RERE: variants seen among roughly 807,000 people sequenced by gnomAD.
RERE encodes arginine-glutamic acid dipeptide repeats protein.
In RERE, 40 loss-of-function variants were observed where a neutral mutation model predicts 146.1. That is an observed-to-expected ratio of 0.27 (90% CI 0.21 to 0.36). The LOEUF (loss-of-function observed/expected upper bound fraction) is 0.36, where lower values mean the gene tolerates loss of function less well. RERE is among the 10% of genes least tolerant of loss of function. The pLI is 1.00. For missense variants in RERE, 1,933 were observed against 2,138.7 expected, an observed-to-expected ratio of 0.90 and a Z score of 1.90; for synonymous variants, 1,003 against 866.0, an observed-to-expected ratio of 1.16 and a Z score of -2.78.
chr1:8,520,064 T>A (rs1214146191), intron 7 of RERE, among the ~76,000 whole-genome samples: 2 of 152,078 alleles, frequency 1.3e-5, no homozygotes, highest in South Asian at 2.1e-4. Flanking sequence ...CAATCAAAAA[T>A]AAAACTAAAA....
chr1:8,582,896 G>C (rs946484397), intron 4 of RERE, among the ~76,000 whole-genome samples: 1 of 152,144 alleles, frequency 6.6e-6, no homozygotes, highest in Admixed American at 6.5e-5. Context: ...CTTTTACATA[G>C]ATCTGAGCCT....
intron 3 of RERE, among the ~76,000 whole-genome samples, chr1:8,619,288 C>A (rs546916092): frequency 1.3e-5 from 2 of 152,176 alleles, no homozygotes; most frequent in Non-Finnish European, 2.9e-5. Flanking sequence ...ACTTTAACAT[C>A]CCTAACTATC....
Position 8,359,847 on chromosome 1 carries a change from G to A in RERE, c.3535C>T (p.Arg1179Ter), listed in dbSNP as rs2124364429. ...TCCTTCTCCCGCTCTCGCTCCTCTC[G>A]GGCTTTCTGCTCAGCCTCGCGCTTG... ...KAKREAEQKA[R>*]EEREREKEKE... The change falls in exon 19 of 23, where the codon CGA (arginine) becomes TGA (stop). Residue 1179 changes from arginine (R) to a stop codon, truncating the protein, a stop_gained. Coordinates refer to ENST00000400908, the MANE Select transcript of RERE (RefSeq NM_001042681.2). LOFTEE classifies it high-confidence loss of function. The A allele has an allele frequency of 1.2e-6, 2 of 1,610,758 alleles. No homozygotes were observed. Among genetic ancestry groups the A allele is most frequent in the Non-Finnish European group, 1.7e-6 (2 of 1,179,896 alleles).
chr1:8,385,968 TA>T (rs34493389), intron 12 of RERE, among the ~76,000 whole-genome samples: 69 of 9,450 alleles, frequency 7.3e-3, no homozygotes, highest in Non-Finnish European at 9.9e-3. Context: ...GACTCCGTCT[TA>T]AAAAAAAAAA....
chr1:8,810,148 G>A (rs1380704462), intron 1 of RERE, among the ~76,000 whole-genome samples: 1 of 151,216 alleles, frequency 6.6e-6, no homozygotes, highest in Non-Finnish European at 1.5e-5. Flanking sequence ...GGGATTACAG[G>A]TACCCGCCAT....
chr1:8,657,177 C>T (rs1175049766), intron 1 of RERE, among the ~76,000 whole-genome samples: 4 of 151,684 alleles, frequency 2.6e-5, no homozygotes, highest in East Asian at 3.9e-4. Flanking sequence ...TGGTGGCGGG[C>T]GCCTGTAGTC....
At chr1:8,542,083 G>A (rs549271531) in intron 6 of RERE, among the ~76,000 whole-genome samples, 4 of 152,210 alleles carry the variant, frequency 2.6e-5, no homozygotes, top group South Asian at 2.1e-4. Context: ...AAGTATCAAC[G>A]TAAATGCCAG....
At chr1:8,486,716 G>C (rs796637569) in intron 10 of RERE, among the ~76,000 whole-genome samples, 11 of 125,220 alleles carry the variant, frequency 8.8e-5, no homozygotes, top group African/African-American at 3.3e-4. Context: ...TTGATCAAGA[G>C]GAAACAAATT....
intron 7 of RERE, among the ~76,000 whole-genome samples, chr1:8,537,549 T>C (rs1369766588): frequency 6.6e-6 from 1 of 152,234 alleles, no homozygotes; most frequent in Admixed American, 6.5e-5. Context: ...TTCAGAACTT[T>C]CATATTTCAG....
At position 8,786,058 on chromosome 1, in the gene RERE, C is replaced by T. The variant is rs929213418; in HGVS notation, c.-145+31102G>A. 2.6e-5 allele frequency among the ~76,000 whole-genome samples: 4 copies of T among 152,204 alleles called. No individual in the cohort carries two copies. The East Asian group carries it at 7.7e-4, about 29-fold the overall frequency. On this transcript the variant is annotated intron_variant, in intron 1 of 22. Coordinates refer to ENST00000400908, the MANE Select transcript of RERE (RefSeq NM_001042681.2). ...ACCCAGGCCCACAGCACATCCCCTG[C>T]AGAGTCTGGCCACACTCCTCATCAG...
chr1:8,474,917 T>C (rs776202518), intron 10 of RERE, among the ~76,000 whole-genome samples: 61 of 152,344 alleles, frequency 4.0e-4, no homozygotes, highest in African/African-American at 1.4e-3. Context: ...TCTTTTGCTA[T>C]GCAAAATATC....
At chr1:8,399,051 T>C (rs1643157253) in intron 12 of RERE, among the ~76,000 whole-genome samples, 1 of 152,020 alleles carries the variant, frequency 6.6e-6, no homozygotes, top group Admixed American at 6.6e-5. Context: ...AAACTACCTG[T>C]TCTCATCTTT....
chr1:8,406,574 T>C (rs1029661196), intron 12 of RERE, among the ~76,000 whole-genome samples: 1 of 152,148 alleles, frequency 6.6e-6, no homozygotes, highest in African/African-American at 2.4e-5. Flanking sequence ...AAAGAATATA[T>C]GGGAATGCTT....
chr1:8,526,057 G>A lies in RERE; in HGVS notation c.830+15157C>T, dbSNP rs901574574. On this transcript the variant is annotated intron_variant, in intron 7 of 22. Transcript: ENST00000400908. ...AATCAATCTCAACCCTGCTGTTTCC[G>A]TAAATAAAGCCCAGCCAACAGACTC... The A allele has an allele frequency of 5.3e-5, 64 of 1,196,392 alleles. No homozygotes were observed. In the South Asian group the frequency reaches 9.9e-4, roughly 19 times the overall value. The allele number at this position is 1,196,392 out of a possible 1,614,324, so 74.1% of individuals were successfully genotyped here.
At chr1:8,523,344 A>G (rs1645529549) in intron 7 of RERE, among the ~76,000 whole-genome samples, 1 of 152,232 alleles carries the variant, frequency 6.6e-6, no homozygotes, top group African/African-American at 2.4e-5. Flanking sequence ...ATTCTATTAC[A>G]ATGATAAGAA....
chr1:8,468,763 T>C (rs571827311), intron 10 of RERE, among the ~76,000 whole-genome samples: 6 of 152,190 alleles, frequency 3.9e-5, no homozygotes, highest in East Asian at 1.9e-4. Flanking sequence ...CATGTGCCTA[T>C]AGTCCCAGCT....
intron 2 of RERE, among the ~76,000 whole-genome samples, chr1:8,651,327 T>C (rs1219504155): frequency 6.6e-6 from 1 of 152,050 alleles, no homozygotes; most frequent in African/African-American, 2.4e-5. Flanking sequence ...GGAGAAGCAA[T>C]TGAGCCCAGG....
At chr1:8,626,777 C>G (rs946943507) in intron 2 of RERE, among the ~76,000 whole-genome samples, 6 of 152,188 alleles carry the variant, frequency 3.9e-5, no homozygotes, top group Non-Finnish European at 8.8e-5. Flanking sequence ...GTGCTCCTGA[C>G]CAAAATCAGC....
In RERE at chr1:8,465,924, C is replaced by T. The variant is rs1644590389; in HGVS notation, c.1203+1G>A. On this transcript the variant is annotated splice_donor_variant, in intron 11 of 22. Coordinates refer to ENST00000400908, the MANE Select transcript of RERE (RefSeq NM_001042681.2). LOFTEE classifies it high-confidence loss of function. ...CAAGGCAAATGCTGGTTCCTGCTCA[C>T]CACTTCGTCCTCGGTCCAGCACTTC... is the stretch of plus-strand genomic sequence containing the variant. The T allele has an allele frequency of 6.2e-7, 1 of 1,613,762 alleles. No individual in the cohort carries two copies. The highest frequency in any genetic ancestry group is 1.3e-5 in the African/African-American group (1 of 74,934).
Sources: allele counts gnomAD v4.1 joint callset (sites outside exome capture counted in the v4.1 genomes callset), GRCh38; gene constraint gnomAD v4.1.1; transcripts MANE v1.5; gene names NCBI Gene and HGNC (gene_info 2026-07-23, HGNC 2026-07-21).